SLA: variants seen among roughly 807,000 people sequenced by gnomAD.
The protein encoded by SLA is Src like adaptor, also known as src-like-adapter.
In SLA, 16 loss-of-function variants were observed where a neutral mutation model predicts 30.3. That is an observed-to-expected ratio of 0.53 (90% CI 0.36 to 0.80). SLA has a LOEUF of 0.80. Ranked by LOEUF, SLA falls within the 30% of genes least tolerant of loss-of-function variation. SLA has a pLI of 0.01. For synonymous variants in SLA, 143 were observed against 137.8 expected (o/e 1.04, Z -0.26); for missense variants, 310 against 345.2 (o/e 0.90, Z 0.81).
intron 3 of SLA, 30 bp downstream of exon 3, chr8:133,060,070 C>G (rs768279465): frequency 6.4e-7 from 1 of 1,558,472 alleles, no homozygotes; most frequent in African/African-American, 1.4e-5. Context: ...AGCACAGACT[C>G]AAGCATCTCA....
chr8:133,039,842 T>G (rs1167445797), intron 8 of SLA, among the ~76,000 whole-genome samples, 156 bp downstream of exon 8: 1 of 152,136 alleles, frequency 6.6e-6, no homozygotes. Context: ...TCTACACTTG[T>G]GGGGGGTGCT....
At chr8:133,089,798 T>C (rs78750018) in intron 1 of SLA, among the ~76,000 whole-genome samples, 3,497 of 152,264 alleles carry the variant, frequency 0.023, 143 homozygotes, top group African/African-American at 0.079. Flanking sequence ...AATCAGCCTC[T>C]GACCCCACTG....
Position 133,050,811 on chromosome 8 carries a change from C to A in SLA, c.161+5G>T. ...GATTGCACAAGTTTTGGAGAGCTGACTCACTCAGAAATCACACGCAGTTTC... is the reference window on the plus strand; with the variant it reads ...GATTGCACAAGTTTTGGAGAGCTGAATCACTCAGAAATCACACGCAGTTTC... On this transcript the variant is annotated splice_donor_5th_base_variant and intron_variant, in intron 4 of 8. Transcript: ENST00000338087. The A allele has an allele frequency of 6.3e-7, 1 of 1,581,554 alleles. No homozygotes were observed. Among genetic ancestry groups the A allele is most frequent in the Non-Finnish European group, 8.7e-7 (1 of 1,150,120 alleles).
At chr8:133,070,183 A>G (rs111345650) in intron 2 of SLA, among the ~76,000 whole-genome samples, 4,524 of 152,118 alleles carry the variant, frequency 0.03, 89 homozygotes, top group Non-Finnish European at 0.041. Flanking sequence ...TGTGGTGTAA[A>G]TACTCCCACC....
At chr8:133,074,240 A>G (rs1407631051) in intron 2 of SLA, among the ~76,000 whole-genome samples, 1 of 152,060 alleles carries the variant, frequency 6.6e-6, no homozygotes, top group African/African-American at 2.4e-5. Flanking sequence ...TCAGATTGTT[A>G]TTAATTATCT....
rs988177081 is a variant in SLA, at chr8:133,039,002, T to C, written c.618-265A>G. ...AAGCGATTCTCCCTCCTTAGCCTCC[T>C]GAGTAGCTGGGATTACAACCATCCA... On this transcript the variant is annotated intron_variant, in intron 8 of 8. Transcript: ENST00000338087. Among the ~76,000 whole-genome samples, 8 of 152,144 alleles carry C rather than the reference T, an allele frequency of 5.3e-5. 1 individual carries two copies. Among genetic ancestry groups the C allele is most frequent in the Non-Finnish European group, 1.0e-4 (7 of 68,020 alleles).
At chr8:133,096,354 A>T (rs750849260) in intron 1 of SLA, 1 of 1,614,192 alleles carries the variant, frequency 6.2e-7, no homozygotes, top group South Asian at 1.1e-5. Flanking sequence ...GGGCTCATCA[A>T]CAGAGCAAAG....
chr8:133,094,333 C>T (rs1042930465), intron 1 of SLA, among the ~76,000 whole-genome samples: 1 of 151,200 alleles, frequency 6.6e-6, no homozygotes, highest in African/African-American at 2.4e-5. Context: ...CTCCGCCTCC[C>T]GGGTTCACGC....
Position 133,047,938 on chromosome 8 carries a change from G to A in SLA, c.249-5C>T. ...CCCAGGCCCTCAAACAGCCAGCTGG[G>A]AAGGAGGAAGACAGCCATTAGGATC... On this transcript the variant is annotated splice_region_variant and splice_polypyrimidine_tract_variant and intron_variant, in intron 5 of 8. Transcript: ENST00000338087. 3 of 1,580,772 alleles carry A rather than the reference G, an allele frequency of 1.9e-6. No individual in the cohort carries two copies. The highest frequency in any genetic ancestry group is 2.6e-6 in the Non-Finnish European group (3 of 1,151,862).
chr8:133,095,791 C>T (rs1848312370), intron 1 of SLA, among the ~76,000 whole-genome samples: 1 of 152,214 alleles, frequency 6.6e-6, no homozygotes, highest in African/African-American at 2.4e-5. Context: ...TGAGTCTGGA[C>T]TCACAGAATT....
intron 6 of SLA, among the ~76,000 whole-genome samples, chr8:133,045,603 C>T (rs1324285648): frequency 2.6e-5 from 4 of 152,028 alleles, no homozygotes; most frequent in Non-Finnish European, 5.9e-5. Context: ...CTACATTGCC[C>T]AGGCTGATCT....
chr8:133,077,606 G>A (rs1019151480), intron 1 of SLA, among the ~76,000 whole-genome samples: 6 of 152,312 alleles, frequency 3.9e-5, no homozygotes, highest in South Asian at 2.1e-4. Context: ...AACCAGAGAC[G>A]GCAGGGCTGA....
At chr8:133,048,428 C>T (rs1191917194) in intron 5 of SLA, among the ~76,000 whole-genome samples, 3 of 152,130 alleles carry the variant, frequency 2.0e-5, no homozygotes, top group Non-Finnish European at 4.4e-5. Flanking sequence ...ACCATGTTGG[C>T]TGGGCTGGTC....
At chr8:133,066,692 G>A (rs892033418) in intron 2 of SLA, among the ~76,000 whole-genome samples, 3 of 152,214 alleles carry the variant, frequency 2.0e-5, no homozygotes, top group Non-Finnish European at 4.4e-5. Context: ...CCTACTGGCT[G>A]TGTATCGCTG....
Position 133,038,496 on chromosome 8 carries a change from G to T in SLA, c.*28C>A. ...AATAGTTGGAACTTCTGTTCCTTTT[G>T]GGCATGAACCATTGTGTCTGTTCTT... On this transcript the variant is annotated 3_prime_UTR_variant, in exon 9 of 9. Transcript: ENST00000338087. 2 of 1,524,692 alleles carry T rather than the reference G, an allele frequency of 1.3e-6. No individual in the cohort carries two copies. Among genetic ancestry groups the T allele is most frequent in the Non-Finnish European group, 1.8e-6 (2 of 1,098,534 alleles). The allele number at this position is 1,524,692 out of a possible 1,614,324, so 94.4% of individuals were successfully genotyped here.
In SLA at chr8:133,041,784, G is replaced by GTTT. The variant is rs529937626; in HGVS notation, c.485-1657_485-1655dup. On this transcript the variant is annotated intron_variant, in intron 7 of 8. Coordinates refer to ENST00000338087, the MANE Select transcript of SLA (RefSeq NM_001045556.3). The stretch of plus-strand genomic sequence containing the variant: ...TGAGGCCTTGATCAGCTTGTGGTCA[G>GTTT]TTTTTTTTTTTTTTTTTTTTTTTAG... Among the ~76,000 whole-genome samples the GTTT allele has an allele frequency of 8.6e-4, 107 of 124,386 alleles. 1 individual carries two copies. The highest frequency in any genetic ancestry group is 2.8e-3 in the African/African-American group (89 of 31,562). 81.6% of individuals were successfully genotyped at this position (124,386 alleles called of 152,430 possible).
chr8:133,047,064 A>C (rs889584933), intron 6 of SLA: 1 of 152,200 alleles, frequency 6.6e-6, no homozygotes, highest in Non-Finnish European at 1.5e-5. Flanking sequence ...GGGGATAAAC[A>C]TGGTACTCTC....
At position 133,052,496 on chromosome 8, in the gene SLA, C is replaced by G. The variant is rs553891901; in HGVS notation, c.62-1581G>C. Among the ~76,000 whole-genome samples, 8 of 152,280 alleles carry G rather than the reference C, an allele frequency of 5.3e-5. No homozygotes were observed. In the East Asian group the frequency reaches 1.4e-3, roughly 26 times the overall value. On this transcript the variant is annotated intron_variant, in intron 3 of 8. Coordinates refer to ENST00000338087, the MANE Select transcript of SLA (RefSeq NM_001045556.3). ...AGGGCTGGCCCAGCCAGACCTCTGACCTGTCCTGCTGCAGACCTTCCCCAA... is the reference window on the plus strand; with the variant it reads ...AGGGCTGGCCCAGCCAGACCTCTGAGCTGTCCTGCTGCAGACCTTCCCCAA...
chr8:133,047,631 G>A, intron 6 of SLA, 199 bp downstream of exon 6: 1 of 591,440 alleles, frequency 1.7e-6, no homozygotes, highest in Non-Finnish European at 3.1e-6. Flanking sequence ...TGCCCAGCCG[G>A]CTCCCCACTG....
Sources: gnomAD v4.1 joint callset for allele counts (sites outside exome capture counted in the v4.1 genomes callset) on GRCh38, gnomAD v4.1.1 for gene constraint, MANE v1.5 for transcripts, NCBI Gene and HGNC (gene_info 2026-07-23, HGNC 2026-07-21) for gene names.